The following CCDC81 variants were observed in gnomAD, a reference collection of about 807,000 sequenced individuals.
The protein encoded by CCDC81 is coiled-coil domain containing 81.
A neutral mutation model predicts 83.7 loss-of-function variants in CCDC81; 79 were observed. That is an observed-to-expected ratio of 0.94 (90% CI 0.79 to 1.14). The LOEUF is 1.14. Among genes scored for constraint, CCDC81 ranks in the 50% most tolerant of loss-of-function variants. The pLI is 0.00. For missense variants in CCDC81, 791 were observed against 778.1 expected (o/e 1.02, Z -0.20); for synonymous variants, 252 against 278.1 (o/e 0.91, Z 0.93).
In CCDC81 at chr11:86,420,073, C is replaced by T; in HGVS notation, c.1817+20C>T. The T allele has an allele frequency of 6.2e-7, 1 of 1,605,368 alleles. No individual in the cohort carries two copies. Among genetic ancestry groups the T allele is most frequent in the Non-Finnish European group, 8.5e-7 (1 of 1,177,156 alleles). ...TGAACGGTAATGCCTGATTGGAACC[C>T]CAAAATTCTCCTGCTCCTTGTGGGA... On this transcript the variant is annotated intron_variant, in intron 14 of 14. Coordinates refer to ENST00000445632, the MANE Select transcript of CCDC81 (RefSeq NM_001156474.2).
At chr11:86,411,902 T>C (rs910676338) in intron 10 of CCDC81, among the ~76,000 whole-genome samples, 1 of 152,210 alleles carries the variant, frequency 6.6e-6, no homozygotes, top group Non-Finnish European at 1.5e-5. Flanking sequence ...TGTCAAAGAA[T>C]TGAAACTCAC....
At chr11:86,397,031 C>T (rs1195073909) in intron 5 of CCDC81, among the ~76,000 whole-genome samples, 2 of 151,276 alleles carry the variant, frequency 1.3e-5, no homozygotes, top group African/African-American at 4.9e-5. Flanking sequence ...TGAAGGTACC[C>T]CCACCCCCAC....
intron 6 of CCDC81, among the ~76,000 whole-genome samples, chr11:86,399,943 C>G (rs1003732182): frequency 6.7e-6 from 1 of 150,236 alleles, no homozygotes; most frequent in Non-Finnish European, 1.5e-5. Flanking sequence ...GCCGACATGG[C>G]GAAACCCCAT....
intron 3 of CCDC81, 91 bp downstream of exon 3, chr11:86,387,763 T>G (rs1948265266): frequency 1.1e-6 from 1 of 880,112 alleles, no homozygotes; most frequent in East Asian, 2.6e-5. Context: ...TGCTGCTGTC[T>G]TACCTTCTTA....
chr11:86,400,542 C>T, intron 6 of CCDC81, 136 bp from the exon 7 acceptor site: 1 of 876,716 alleles, frequency 1.1e-6, no homozygotes, highest in Non-Finnish European at 1.7e-6. Context: ...TTTTTTTATA[C>T]CACAATAGAA....
intron 13 of CCDC81, among the ~76,000 whole-genome samples, chr11:86,418,311 A>G (rs1373914331): frequency 6.6e-6 from 1 of 152,212 alleles, no homozygotes; most frequent in Non-Finnish European, 1.5e-5. Flanking sequence ...TCCTCAAAAA[A>G]TTAAAAATAG....
rs116149440 is a variant in CCDC81, at chr11:86,415,427, A to C, written c.1691+114A>C. ...CATCTTTCTCATACAATAGTGGAGA[A>C]ATAAGAATAATAGCTAACACACTGA... On this transcript the variant is annotated intron_variant, in intron 13 of 14. Transcript: ENST00000445632. 9.9e-4 allele frequency: 753 copies of C among 759,238 alleles called. 7 individuals are homozygous for C. The African/African-American group carries it at 0.012, about 12-fold the overall frequency. 47.0% of individuals were successfully genotyped at this position (759,238 alleles called of 1,614,324 possible).
rs1419025474 is a variant in CCDC81, at chr11:86,407,699, C to G, written c.967C>G (p.Gln323Glu). ...TTGCCAGGATCATAACAAGGCAGGACAGGTACAGTGTTTCCAAACAAATAA... is the reference window on the plus strand; with the variant it reads ...TTGCCAGGATCATAACAAGGCAGGAGAGGTACAGTGTTTCCAAACAAATAA... The part of the protein sequence containing the change: ...PACQDHNKAG[Q>E]EMCYVCLQRA... Residue 323 changes from glutamine (Q) to glutamate (E), a missense_variant and splice_region_variant, in exon 8 of 15, where the codon CAG becomes GAG. Transcript: ENST00000445632. 3.7e-6 allele frequency: 6 copies of G among 1,610,432 alleles called. No individual in the cohort carries two copies. Among genetic ancestry groups the G allele is most frequent in the Non-Finnish European group, 5.1e-6 (6 of 1,177,242 alleles).
chr11:86,411,233 CT>C (rs765316747), intron 10 of CCDC81, among the ~76,000 whole-genome samples: 1 of 152,246 alleles, frequency 6.6e-6, no homozygotes, highest in South Asian at 2.1e-4. Context: ...GCCACAGAGA[CT>C]TTTTTTCTGC....
Position 86,392,542 on chromosome 11 carries a change from T to G in CCDC81, c.300T>G (p.Gly100=). 1.3e-6 allele frequency: 2 copies of G among 1,550,372 alleles called. No homozygotes were observed. Among genetic ancestry groups the G allele is most frequent in the Non-Finnish European group, 1.7e-6 (2 of 1,146,094 alleles). ...GLKQNKVYTP[G]EIPIVPLNFV... ...CCCCAACTGTCTTTTCTCCTTTAGG[T>G]GAAATCCCAATTGTTCCACTTAATT... The change falls in exon 4 of 15, where the codon GGT becomes GGG. Residue 100 remains glycine (G), a splice_region_variant and synonymous_variant. Transcript: ENST00000445632.
intron 1 of CCDC81, among the ~76,000 whole-genome samples, chr11:86,380,276 C>G (rs2138488762): frequency 6.6e-6 from 1 of 152,208 alleles, no homozygotes; most frequent in East Asian, 1.9e-4. Context: ...TTATGGTACT[C>G]TCTTTTTGCT....
Position 86,375,105 on chromosome 11 carries a change from C to T in CCDC81, c.-59C>T, listed in dbSNP as rs75446835. 6.0e-4 allele frequency: 842 copies of T among 1,412,024 alleles called. 2 individuals are homozygous for T. The African/African-American group carries it at 0.011, about 18-fold the overall frequency. 87.5% of individuals were successfully genotyped at this position (1,412,024 alleles called of 1,614,324 possible). A position where few individuals can be genotyped will look rare whatever the true frequency, so the allele number is the denominator to read the frequency against. On this transcript the variant is annotated 5_prime_UTR_variant, in exon 1 of 15. Transcript: ENST00000445632. ...TGGGAAAATTATTTTTGTGCACATTCCATATAAGAAAGAAGAGACCCATCG... is the reference window on the plus strand; with the variant it reads ...TGGGAAAATTATTTTTGTGCACATTTCATATAAGAAAGAAGAGACCCATCG...
intron 3 of CCDC81, among the ~76,000 whole-genome samples, chr11:86,391,092 A>G (rs189329856): frequency 2.6e-5 from 4 of 152,312 alleles, no homozygotes; most frequent in Admixed American, 2.6e-4. Flanking sequence ...TTGACAATCT[A>G]TGAGATGATA....
At chr11:86,379,565 ATTCAT>A (rs1450724392) in intron 1 of CCDC81, among the ~76,000 whole-genome samples, 10 of 152,194 alleles carry the variant, frequency 6.6e-5, no homozygotes, top group Non-Finnish European at 1.5e-4. Context: ...CATTGCTGTC[ATTCAT>A]TTCATTTCAC....
At chr11:86,382,355 G>A (rs1171501600) in intron 1 of CCDC81, among the ~76,000 whole-genome samples, 1 of 152,082 alleles carries the variant, frequency 6.6e-6, no homozygotes, top group African/African-American at 2.4e-5. Context: ...GGGGCAACTT[G>A]GAGGTAAAAT....
chr11:86,398,125 G>A (rs530551703), intron 6 of CCDC81, among the ~76,000 whole-genome samples: 7 of 152,162 alleles, frequency 4.6e-5, no homozygotes, highest in South Asian at 2.1e-4. Context: ...ATGAACCACC[G>A]CACCCAGCCA....
At chr11:86,415,869 TCACTATGTTA>T (rs1360885794) in intron 13 of CCDC81, among the ~76,000 whole-genome samples, 1 of 152,154 alleles carries the variant, frequency 6.6e-6, no homozygotes, top group Non-Finnish European at 1.5e-5. Flanking sequence ...AGACAGGGTC[TCACTATGTTA>T]CCCAGGCTGG....
intron 6 of CCDC81, among the ~76,000 whole-genome samples, chr11:86,399,743 C>T (rs1444823828): frequency 6.6e-6 from 1 of 152,020 alleles, no homozygotes; most frequent in African/African-American, 2.4e-5. Flanking sequence ...CTTTTAGTAC[C>T]CTTTTCACAT....
intron 1 of CCDC81, among the ~76,000 whole-genome samples, chr11:86,375,812 G>A: frequency 6.6e-6 from 1 of 152,194 alleles, no homozygotes; most frequent in East Asian, 1.9e-4. Flanking sequence ...ACCCCAAAGT[G>A]AGGCTGAGAT....
Sources: allele counts gnomAD v4.1 joint callset (sites outside exome capture counted in the v4.1 genomes callset), GRCh38; gene constraint gnomAD v4.1.1; transcripts MANE v1.5; gene names NCBI Gene and HGNC (gene_info 2026-07-23, HGNC 2026-07-21).